The following MMP16 variants were observed in gnomAD, a reference collection of about 807,000 sequenced individuals.
MMP16 encodes matrix metalloproteinase-16.
Under a neutral mutation model 67.8 loss-of-function variants are expected in MMP16, and 12 were observed. The observed-to-expected ratio is 0.18, with a 90% CI of 0.11 to 0.29. The LOEUF (loss-of-function observed/expected upper bound fraction) is 0.29. Ranked by LOEUF, MMP16 falls within the 10% of genes least tolerant of loss-of-function variation. MMP16 has a pLI of 1.00. For missense variants in MMP16, 475 were observed against 765.7 expected (o/e 0.62, Z 4.48); for synonymous variants, 249 against 255.9 (o/e 0.97, Z 0.26).
chr8:88,084,089 A>AT, intron 6 of MMP16, among the ~76,000 whole-genome samples: 1 of 152,106 alleles, frequency 6.6e-6, no homozygotes, highest in African/African-American at 2.4e-5. Context: ...AATCTCACCA[A>AT]TTTTTCATGC....
chr8:88,264,022 C>A, intron 1 of MMP16, among the ~76,000 whole-genome samples: 2 of 123,886 alleles, frequency 1.6e-5, no homozygotes, highest in South Asian at 2.6e-4. Context: ...AACTTCCCTA[C>A]AAAAATGGCA....
At position 88,040,225 on chromosome 8, in the gene MMP16, T is replaced by C. The variant is rs575543547; in HGVS notation, c.*1236A>G. ...AATCTTAATAAAATACCTTTTTTATTTGCCAGAAAAATTTTGGCAAGTAAC... is the reference window on the plus strand; with the variant it reads ...AATCTTAATAAAATACCTTTTTTATCTGCCAGAAAAATTTTGGCAAGTAAC... On this transcript the variant is annotated 3_prime_UTR_variant, in exon 10 of 10. Transcript: ENST00000286614. 2.6e-5 allele frequency: 4 copies of C among 152,642 alleles called. No homozygotes were observed. The highest frequency in any genetic ancestry group is 2.9e-5 in the Non-Finnish European group (2 of 68,042). 9.5% of individuals were successfully genotyped at this position (152,642 alleles called of 1,614,324 possible). A position where few individuals can be genotyped will look rare whatever the true frequency, so the allele number is the denominator to read the frequency against.
At chr8:88,264,176 G>A (rs539852178) in intron 1 of MMP16, among the ~76,000 whole-genome samples, 25 of 151,602 alleles carry the variant, frequency 1.6e-4, no homozygotes, top group African/African-American at 4.9e-4. Context: ...AAGAGTGTGC[G>A]TGCACGTGCA....
At chr8:88,320,875 C>A (rs1445425521) in intron 1 of MMP16, among the ~76,000 whole-genome samples, 1 of 152,054 alleles carries the variant, frequency 6.6e-6, no homozygotes, top group Admixed American at 6.6e-5. Context: ...ATGCCACTAT[C>A]CAAAACTAAG....
chr8:88,140,747 G>C (rs1293970202), intron 4 of MMP16, among the ~76,000 whole-genome samples: 3 of 151,930 alleles, frequency 2.0e-5, no homozygotes, highest in Non-Finnish European at 4.4e-5. Context: ...TGATTAGAAA[G>C]AACTGCTGCC....
chr8:88,216,989 G>A lies in MMP16; in HGVS notation c.133-19683C>T, dbSNP rs182841065. ...GACTCATGGCTTGCTATTTTATTAA[G>A]TGGATTATAATATGTAACTATCATT... On this transcript the variant is annotated intron_variant, in intron 1 of 9. Transcript: ENST00000286614. Among the ~76,000 whole-genome samples, 4 of 152,062 alleles carry A rather than the reference G, an allele frequency of 2.6e-5. No homozygotes were observed. In the East Asian group the frequency reaches 7.7e-4, roughly 29 times the overall value.
intron 3 of MMP16, among the ~76,000 whole-genome samples, chr8:88,178,649 GC>G (rs1358520816): frequency 6.6e-6 from 1 of 151,854 alleles, no homozygotes; most frequent in Non-Finnish European, 1.5e-5. Flanking sequence ...ATGTATTACA[GC>G]TTTTATTCTT....
chr8:88,162,968 A>G (rs548189914), intron 4 of MMP16, among the ~76,000 whole-genome samples: 97 of 152,178 alleles, frequency 6.4e-4, no homozygotes, highest in African/African-American at 2.3e-3. Flanking sequence ...AGAACAGACT[A>G]ATGCAGTATT....
intron 3 of MMP16, among the ~76,000 whole-genome samples, chr8:88,174,093 T>A (rs1013444797): frequency 3.9e-5 from 6 of 152,212 alleles, no homozygotes; most frequent in African/African-American, 1.2e-4. Context: ...TATACACTAT[T>A]AAAGTAAAAT....
chr8:88,134,809 A>G (rs756578953), intron 4 of MMP16, among the ~76,000 whole-genome samples: 10 of 151,230 alleles, frequency 6.6e-5, no homozygotes, highest in Non-Finnish European at 8.9e-5. Flanking sequence ...TTTCTTCGCC[A>G]CCTTATGAAA....
At chr8:88,142,664 T>C (rs1205013532) in intron 4 of MMP16, among the ~76,000 whole-genome samples, 1 of 152,144 alleles carries the variant, frequency 6.6e-6, no homozygotes, top group Non-Finnish European at 1.5e-5. Context: ...AAATGTGCAG[T>C]TGGCACTGTA....
At chr8:88,220,310 GT>G (rs1314206626) in intron 1 of MMP16, among the ~76,000 whole-genome samples, 1 of 151,992 alleles carries the variant, frequency 6.6e-6, no homozygotes, top group Non-Finnish European at 1.5e-5. Context: ...TGACTTTTAA[GT>G]TTTGTATTTT....
chr8:88,317,020 G>C lies in MMP16; in HGVS notation c.132+10055C>G, dbSNP rs116580392. ...TCATTATAAAACTTTAATGAATGAG[G>C]AGGCTTCTTACAGATAAGCAAAGAG... is the stretch of plus-strand genomic sequence containing the variant. On this transcript the variant is annotated intron_variant, in intron 1 of 9. Transcript: ENST00000286614. Among the ~76,000 whole-genome samples the C allele has an allele frequency of 6.2e-3, 946 of 152,266 alleles. 5 individuals carry two copies. Among genetic ancestry groups the C allele is most frequent in the African/African-American group, 0.022 (898 of 41,540 alleles).
rs563474653 is a variant in MMP16 at position 88,164,074 on chromosome 8, T to C, written c.709+3595A>G. Among the ~76,000 whole-genome samples the C allele has an allele frequency of 2.6e-5, 4 of 152,280 alleles. No homozygotes were observed. In the East Asian group the frequency reaches 5.8e-4, roughly 22 times the overall value. On this transcript the variant is annotated intron_variant, in intron 4 of 9. Transcript: ENST00000286614. Reference sequence around the variant, plus strand: ...TAGATAACAATGAAGTAAGGGTTACTGGCAGCCTAAGACACTGTTTATCTC... The same window carrying C: ...TAGATAACAATGAAGTAAGGGTTACCGGCAGCCTAAGACACTGTTTATCTC...
intron 6 of MMP16, among the ~76,000 whole-genome samples, chr8:88,100,825 T>A (rs1044035111): frequency 2.5e-4 from 38 of 151,910 alleles, no homozygotes; most frequent in Admixed American, 8.5e-4. Flanking sequence ...ATGTCCTTTG[T>A]AGGGACATGG....
intron 3 of MMP16, among the ~76,000 whole-genome samples, chr8:88,178,986 C>G (rs1327750205): frequency 6.6e-6 from 1 of 151,640 alleles, no homozygotes; most frequent in African/African-American, 2.4e-5. Flanking sequence ...TATCCAAGAA[C>G]TGGAGAGAAA....
chr8:88,171,862 T>C (rs79099101), intron 3 of MMP16, among the ~76,000 whole-genome samples: 12,860 of 151,740 alleles, frequency 0.085, 607 homozygotes, highest in East Asian at 0.16. Context: ...AGTCTCATTC[T>C]GTCACCTAGG....
intron 1 of MMP16, among the ~76,000 whole-genome samples, chr8:88,289,938 C>T (rs560104423): frequency 4.6e-5 from 7 of 152,224 alleles, no homozygotes; most frequent in South Asian, 2.1e-4. Context: ...CCCTGCACTG[C>T]CCCCTACTGC....
intron 1 of MMP16, among the ~76,000 whole-genome samples, chr8:88,303,468 T>C (rs560600983): frequency 6.6e-6 from 1 of 152,346 alleles, no homozygotes; most frequent in South Asian, 2.1e-4. Flanking sequence ...GCAGCCAGAC[T>C]GCTTCTTTAA....
Sources: allele counts gnomAD v4.1 joint callset (sites outside exome capture counted in the v4.1 genomes callset), GRCh38; gene constraint gnomAD v4.1.1; transcripts MANE v1.5; gene names NCBI Gene and HGNC (gene_info 2026-07-23, HGNC 2026-07-21).